TBC1D22A: variants seen among roughly 807,000 people sequenced by gnomAD.
TBC1D22A encodes the protein TBC1 domain family member 22A.
Under a neutral mutation model 60.2 loss-of-function variants are expected in TBC1D22A, and 38 were observed. That is an observed-to-expected ratio of 0.63 (90% CI 0.49 to 0.83). The LOEUF is 0.83. Among genes scored for constraint, TBC1D22A ranks in the 40% least tolerant of loss-of-function variants. TBC1D22A has a pLI of 0.00. For missense variants in TBC1D22A, 628 were observed against 701.0 expected (o/e 0.90, Z 1.18); for synonymous variants, 302 against 281.7 (o/e 1.07, Z -0.72).
rs577317330 is a variant in TBC1D22A at position 46,923,795 on chromosome 22, C to G, written c.1015+11607C>G. Among the ~76,000 whole-genome samples, 6 of 152,296 alleles carry G rather than the reference C, an allele frequency of 3.9e-5. No individual in the cohort carries two copies. The East Asian group carries it at 1.2e-3, about 29-fold the overall frequency. Reference sequence around the variant, plus strand: ...TTCATGTTTTTTTCCCACATTTAACCTTACAATGTAGGCTTTTCCTTGTAT... The same window carrying G: ...TTCATGTTTTTTTCCCACATTTAACGTTACAATGTAGGCTTTTCCTTGTAT... On this transcript the variant is annotated intron_variant, in intron 8 of 12. Transcript: ENST00000337137.
At chr22:46,954,559 A>G (rs562310079) in intron 8 of TBC1D22A, among the ~76,000 whole-genome samples, 22 of 152,224 alleles carry the variant, frequency 1.4e-4, no homozygotes, top group Middle Eastern at 3.4e-3. Context: ...CACAGCCCTC[A>G]TGACGTCACT....
At chr22:46,960,879 G>A (rs568325523) in intron 8 of TBC1D22A, among the ~76,000 whole-genome samples, 165 of 150,612 alleles carry the variant, frequency 1.1e-3, no homozygotes, top group Non-Finnish European at 2.0e-3. Context: ...CCCAGGAGGC[G>A]GAGCTTGCAG....
chr22:47,002,813 G>A (rs2061443857), intron 10 of TBC1D22A, among the ~76,000 whole-genome samples: 1 of 152,154 alleles, frequency 6.6e-6, no homozygotes, highest in Non-Finnish European at 1.5e-5. Flanking sequence ...GGGACTTAAG[G>A]CTGGGAGGCC....
In TBC1D22A at chr22:46,885,891, T is replaced by C. The variant is rs114813796; in HGVS notation, c.709-5375T>C. On this transcript the variant is annotated intron_variant, in intron 5 of 12. Transcript: ENST00000337137. The stretch of plus-strand genomic sequence containing the variant: ...TGTGCACACTCGGGGCTGGTTATTC[T>C]TTTTGTTACTGTTAGAATTTTTTTT... Among the ~76,000 whole-genome samples the C allele has an allele frequency of 8.0e-3, 1,219 of 151,888 alleles. 21 individuals are homozygous for C. Among genetic ancestry groups the C allele is most frequent in the African/African-American group, 0.028 (1,145 of 41,260 alleles).
chr22:46,802,109 T>A (rs924428017), intron 4 of TBC1D22A, among the ~76,000 whole-genome samples: 2 of 152,224 alleles, frequency 1.3e-5, no homozygotes, highest in African/African-American at 2.4e-5. Flanking sequence ...AGAGGGAGCA[T>A]GAGACCTGCC....
intron 10 of TBC1D22A, among the ~76,000 whole-genome samples, chr22:47,008,655 T>C (rs1041253781): frequency 6.6e-6 from 1 of 152,228 alleles, no homozygotes; most frequent in Non-Finnish European, 1.5e-5. Flanking sequence ...GGGGCAAGGC[T>C]GCATCTGGAA....
At chr22:47,029,147 C>T (rs146167727) in intron 10 of TBC1D22A, among the ~76,000 whole-genome samples, 1,981 of 130,994 alleles carry the variant, frequency 0.015, 20 homozygotes, top group Middle Eastern at 0.037. Flanking sequence ...GGGACGAAAT[C>T]TGCAAGAGTC....
chr22:46,763,051 G>T (rs1037460768), intron 1 of TBC1D22A, among the ~76,000 whole-genome samples: 1 of 152,144 alleles, frequency 6.6e-6, no homozygotes, highest in African/African-American at 2.4e-5. Flanking sequence ...ACGTAGGATC[G>T]AGGCTTGCAA....
Position 47,131,851 on chromosome 22 carries a change from C to T in TBC1D22A, c.1425+20248C>T, listed in dbSNP as rs9917565. Among the ~76,000 whole-genome samples the T allele has an allele frequency of 2.9e-3, 448 of 152,312 alleles. 3 individuals are homozygous for T. Among genetic ancestry groups the T allele is most frequent in the African/African-American group, 0.01 (417 of 41,566 alleles). ...GGAGCCAGAAGTGAGTGCACAGTCC[C>T]GGGGCGCCCGCCCCGTCCAAGCCCA... is the stretch of plus-strand genomic sequence containing the variant. On this transcript the variant is annotated intron_variant, in intron 12 of 12. Transcript: ENST00000337137.
At chr22:46,800,917 A>G (rs2084870289) in intron 4 of TBC1D22A, among the ~76,000 whole-genome samples, 1 of 152,170 alleles carries the variant, frequency 6.6e-6, no homozygotes, top group Non-Finnish European at 1.5e-5. Flanking sequence ...TGAAAGCAAG[A>G]TTTGCCTGAT....
At chr22:47,001,304 T>TTC (rs1569321917) in intron 10 of TBC1D22A, among the ~76,000 whole-genome samples, 5 of 147,966 alleles carry the variant, frequency 3.4e-5, no homozygotes, top group East Asian at 3.9e-4. Context: ...TCTTTCTTTT[T>TTC]TTTTTTTTTT....
chr22:47,130,006 G>A (rs761009801), intron 12 of TBC1D22A, among the ~76,000 whole-genome samples: 1 of 152,208 alleles, frequency 6.6e-6, no homozygotes, highest in Non-Finnish European at 1.5e-5. Context: ...CCATGCCCTC[G>A]TGCCCGGCCC....
intron 11 of TBC1D22A, among the ~76,000 whole-genome samples, 190 bp downstream of exon 11, chr22:47,037,388 G>A (rs1443259224): frequency 6.6e-6 from 1 of 152,158 alleles, no homozygotes; most frequent in African/African-American, 2.4e-5. Flanking sequence ...CTAGCACTTT[G>A]GGAGGCCAAG....
At chr22:46,895,618 C>T (rs1174793121) in intron 7 of TBC1D22A, among the ~76,000 whole-genome samples, 3 of 152,162 alleles carry the variant, frequency 2.0e-5, no homozygotes, top group Admixed American at 6.5e-5. Flanking sequence ...GTGATCTGCC[C>T]GCCTTGGCCT....
At chr22:47,001,140 C>T (rs2061393527) in intron 10 of TBC1D22A, among the ~76,000 whole-genome samples, 3 of 152,110 alleles carry the variant, frequency 2.0e-5, no homozygotes, top group Non-Finnish European at 2.9e-5. Context: ...GGACGTGATA[C>T]TCCCTCATAA....
intron 7 of TBC1D22A, among the ~76,000 whole-genome samples, chr22:46,910,311 C>G (rs2069821708): frequency 6.6e-6 from 1 of 152,064 alleles, no homozygotes; most frequent in Non-Finnish European, 1.5e-5. Flanking sequence ...GGTTGAGAGA[C>G]TTCACCTGTC....
intron 12 of TBC1D22A, among the ~76,000 whole-genome samples, chr22:47,131,182 A>G (rs551509550): frequency 6.6e-6 from 1 of 152,316 alleles, no homozygotes; most frequent in South Asian, 2.1e-4. Flanking sequence ...ACCAGGCCCC[A>G]CTGCCAACAC....
chr22:47,107,360 A>G (rs1328017143), intron 11 of TBC1D22A, among the ~76,000 whole-genome samples: 2 of 152,214 alleles, frequency 1.3e-5, no homozygotes, highest in South Asian at 2.1e-4. Flanking sequence ...GTTAGAAAGC[A>G]TGGCTGGAGT....
intron 11 of TBC1D22A, among the ~76,000 whole-genome samples, chr22:47,050,581 G>T (rs2063176050): frequency 6.6e-6 from 1 of 152,240 alleles, no homozygotes; most frequent in African/African-American, 2.4e-5. Context: ...GGGACCGCGT[G>T]TGAGGCCTCT....
Sources: allele counts gnomAD v4.1 joint callset (sites outside exome capture counted in the v4.1 genomes callset), GRCh38; gene constraint gnomAD v4.1.1; transcripts MANE v1.5; gene names NCBI Gene and HGNC (gene_info 2026-07-23, HGNC 2026-07-21).